The following AVL9 variants were observed in gnomAD, a reference collection of about 807,000 sequenced individuals.
The protein encoded by AVL9 is AVL9 cell migration associated, also known as late secretory pathway protein AVL9 homolog.
AVL9 carries 49 observed loss-of-function variants against 79.2 expected under a neutral mutation model. The observed-to-expected ratio is 0.62, with a 90% CI of 0.49 to 0.79. AVL9 has a LOEUF of 0.79. AVL9 is among the 30% of genes least tolerant of loss of function. The pLI is 0.00. For missense variants in AVL9, 682 were observed against 776.8 expected (o/e 0.88, Z 1.45); for synonymous variants, 299 against 280.6 (o/e 1.07, Z -0.65).
intron 1 of AVL9, among the ~76,000 whole-genome samples, chr7:32,511,116 G>C (rs1162074800): frequency 1.4e-5 from 2 of 145,218 alleles, no homozygotes; most frequent in Non-Finnish European, 1.5e-5. Flanking sequence ...CATCTCCCCA[G>C]GGTAAGATTT....
chr7:32,495,740 G>C lies in AVL9; in HGVS notation c.31G>C (p.Val11Leu). 1.6e-6 allele frequency: 2 copies of C among 1,260,444 alleles called. No individual in the cohort carries two copies. The highest frequency in any genetic ancestry group is 3.3e-5 in the South Asian group (1 of 29,866). The allele number at this position is 1,260,444 out of a possible 1,614,324, so 78.1% of individuals were successfully genotyped here. A position where few individuals can be genotyped will look rare whatever the true frequency, so the allele number is the denominator to read the frequency against. MEKARRGGDGVPRGPVLHIVV... is the reference protein window; with the variant it reads MEKARRGGDGLPRGPVLHIVV... Reference sequence around the variant, plus strand: ...GAAGGCCAGGAGAGGCGGGGATGGCGTCCCCCGGGGGCCCGTACTGCACAT... The same window carrying C: ...GAAGGCCAGGAGAGGCGGGGATGGCCTCCCCCGGGGGCCCGTACTGCACAT... Residue 11 changes from valine (V) to leucine (L), a missense_variant, in exon 1 of 16, where the codon GTC becomes CTC. By Grantham distance (32) the Val-to-Leu change is conservative. Coordinates refer to ENST00000318709, the MANE Select transcript of AVL9 (RefSeq NM_015060.3).
rs1327421254 is a variant in AVL9 at position 32,548,145 on chromosome 7, T to TCTC, written c.301-702_301-701insCTC. Among the ~76,000 whole-genome samples the TCTC allele has an allele frequency of 1.7e-4, 20 of 117,548 alleles. 1 individual carries two copies. The highest frequency in any genetic ancestry group is 6.0e-4 in the African/African-American group (19 of 31,418). The allele number at this position is 117,548 out of a possible 152,430, so 77.1% of individuals were successfully genotyped here. A position where few individuals can be genotyped will look rare whatever the true frequency, so the allele number is the denominator to read the frequency against. On this transcript the variant is annotated intron_variant, in intron 3 of 15. Transcript: ENST00000318709. ...ACAAGCTGTCTGTTTTTGTCATCTC[T>TCTC]TTTTTCTTTTTTTTTTTTTTGAGAC...
rs753035099 is a variant in AVL9 at position 32,552,296 on chromosome 7, G to A, written c.529+1G>A. The A allele has an allele frequency of 1.5e-5, 24 of 1,582,892 alleles. No individual in the cohort carries two copies. Among genetic ancestry groups the A allele is most frequent in the Non-Finnish European group, 2.1e-5 (24 of 1,153,508 alleles). On this transcript the variant is annotated splice_donor_variant, in intron 6 of 15. Coordinates refer to ENST00000318709, the MANE Select transcript of AVL9 (RefSeq NM_015060.3). LOFTEE classifies it high-confidence loss of function. ...TTAGAAGGATCCCAAGTATATCTTGGTAAGTAACTGACTTACAAGTTAAAA... is the reference window on the plus strand; with the variant it reads ...TTAGAAGGATCCCAAGTATATCTTGATAAGTAACTGACTTACAAGTTAAAA...
chr7:32,512,095 T>C (rs1048212801), intron 1 of AVL9, among the ~76,000 whole-genome samples: 22 of 152,178 alleles, frequency 1.4e-4, no homozygotes, highest in African/African-American at 5.3e-4. Context: ...GGAGGCCCCA[T>C]CAATCAGGGA....
intron 1 of AVL9, chr7:32,534,744 G>A (rs1788819619): frequency 6.6e-6 from 1 of 152,174 alleles, no homozygotes; most frequent in Non-Finnish European, 1.5e-5. Context: ...AGGAGTTCGA[G>A]ACCAGCCTGG....
intron 1 of AVL9, among the ~76,000 whole-genome samples, chr7:32,510,294 G>T (rs1378417940): frequency 6.6e-6 from 1 of 151,530 alleles, no homozygotes; most frequent in African/African-American, 2.4e-5. Context: ...TCCAAGGTGA[G>T]ATTTGTGAGC....
rs139289695 is a variant in AVL9 at position 32,524,345 on chromosome 7, G to A, written c.94-18796G>A. Among the ~76,000 whole-genome samples the A allele has an allele frequency of 8.5e-3, 1,293 of 152,020 alleles. 17 individuals are homozygous for A. Among genetic ancestry groups the A allele is most frequent in the African/African-American group, 0.029 (1,223 of 41,480 alleles). Reference sequence around the variant, plus strand: ...AGCCTGGCCAACATGGCAAAACCCCGTCTCTACTAAAATACAAAAATTAGC... The same window carrying A: ...AGCCTGGCCAACATGGCAAAACCCCATCTCTACTAAAATACAAAAATTAGC... On this transcript the variant is annotated intron_variant, in intron 1 of 15. Transcript: ENST00000318709.
In AVL9 at chr7:32,575,961, A is replaced by G; in HGVS notation, c.1577A>G (p.Glu526Gly). 1.9e-6 allele frequency: 3 copies of G among 1,605,688 alleles called. No individual in the cohort carries two copies. The highest frequency in any genetic ancestry group is 2.6e-6 in the Non-Finnish European group (3 of 1,172,358). ...LLAATLQLDNEKILSDYGTTF... is the reference protein window; with the variant it reads ...LLAATLQLDNGKILSDYGTTF... The stretch of plus-strand genomic sequence containing the variant: ...TCAAACATTTACTTGACAGACAATG[A>G]AAAGATATTATCGGACTATGGGACA... Residue 526 changes from glutamate to glycine, a missense_variant, in exon 13 of 16, where the codon GAA (glutamate) becomes GGA (glycine). Transcript: ENST00000318709.
At chr7:32,535,468 T>C (rs1256342078) in intron 1 of AVL9, 1 of 152,216 alleles carries the variant, frequency 6.6e-6, no homozygotes, top group Non-Finnish European at 1.5e-5. Context: ...GAAAGTAACT[T>C]TGAAACTACT....
rs555484897 is a variant in AVL9 at position 32,531,028 on chromosome 7, G to A, written c.94-12113G>A. The stretch of plus-strand genomic sequence containing the variant: ...CCAGGACACATTTCCAGTTTGCCTT[G>A]GGGAGTACTCCAGAGAACAAGAGAG... On this transcript the variant is annotated intron_variant, in intron 1 of 15. Transcript: ENST00000318709. Among the ~76,000 whole-genome samples, 9 of 152,210 alleles carry A rather than the reference G, an allele frequency of 5.9e-5. No homozygotes were observed. In the East Asian group the frequency reaches 1.5e-3, roughly 26 times the overall value.
At chr7:32,519,428 A>C (rs866186055) in intron 1 of AVL9, among the ~76,000 whole-genome samples, 109 of 75,428 alleles carry the variant, frequency 1.4e-3, no homozygotes, top group African/African-American at 4.0e-3. Context: ...ACTCTGTCCC[A>C]AAAAAAAAAA....
At position 32,573,371 on chromosome 7, in the gene AVL9, A is replaced by G. The variant is rs374734653; in HGVS notation, c.1523A>G (p.Gln508Arg). Residue 508 changes from glutamine to arginine, a missense_variant, in exon 12 of 16, where the codon CAG (glutamine) becomes CGG (arginine). By Grantham distance (43) the Gln-to-Arg change is conservative (BLOSUM62 1). Coordinates refer to ENST00000318709, the MANE Select transcript of AVL9 (RefSeq NM_015060.3). The part of the protein sequence containing the change: ...WEGGDEWIRA[Q>R]FAVYIHALLA... Reference sequence around the variant, plus strand: ...GGAGGTGACGAATGGATCCGGGCCCAGTTTGCGGTCTACATTCATGCCCTG... The same window carrying G: ...GGAGGTGACGAATGGATCCGGGCCCGGTTTGCGGTCTACATTCATGCCCTG... The G allele has an allele frequency of 1.2e-6, 2 of 1,613,504 alleles. No homozygotes were observed. The highest frequency in any genetic ancestry group is 2.7e-5 in the African/African-American group (2 of 74,762).
chr7:32,516,766 T>TAA (rs33970150), intron 1 of AVL9, among the ~76,000 whole-genome samples: 46,058 of 134,170 alleles, frequency 0.34, 8,430 homozygotes, highest in Admixed American at 0.49. Flanking sequence ...CCTAGGCCTT[T>TAA]AAAAAAAAAA....
intron 1 of AVL9, among the ~76,000 whole-genome samples, chr7:32,523,232 G>A (rs1003899479): frequency 6.7e-6 from 1 of 150,336 alleles, no homozygotes; most frequent in African/African-American, 2.4e-5. Flanking sequence ...TTTGGGGATG[G>A]TTATTCACCA....
At position 32,497,047 on chromosome 7, in the gene AVL9, C is replaced by T. The variant is rs192573150; in HGVS notation, c.93+1245C>T. ...CCCAGGAGGCTGAGGCTACAGTGAC[C>T]CTTGATCCCACCACTGCACTCCAGC... On this transcript the variant is annotated intron_variant, in intron 1 of 15. Transcript: ENST00000318709. 4.3e-4 allele frequency among the ~76,000 whole-genome samples: 65 copies of T among 152,334 alleles called. 1 individual carries two copies. The highest frequency in any genetic ancestry group is 1.5e-3 in the African/African-American group (62 of 41,574).
intron 1 of AVL9, among the ~76,000 whole-genome samples, chr7:32,516,983 C>A (rs1442914689): frequency 1.3e-5 from 2 of 152,192 alleles, no homozygotes; most frequent in African/African-American, 2.4e-5. Flanking sequence ...CTATCTCTTT[C>A]TTTTCTGCCT....
Position 32,580,292 on chromosome 7 carries a change from A to G in AVL9, c.1742+20A>G. ...CTCACAGTAAGTACTTAGAGAAAAT[A>G]CTGGGAAAATTCTTAAGTCTGAATT... On this transcript the variant is annotated intron_variant, in intron 14 of 15. Coordinates refer to ENST00000318709, the MANE Select transcript of AVL9 (RefSeq NM_015060.3). The G allele has an allele frequency of 6.3e-7, 1 of 1,589,206 alleles. No homozygotes were observed. Among genetic ancestry groups the G allele is most frequent in the Admixed American group, 1.7e-5 (1 of 57,932 alleles).
At chr7:32,578,699 C>T (rs1324336299) in intron 13 of AVL9, among the ~76,000 whole-genome samples, 1 of 152,064 alleles carries the variant, frequency 6.6e-6, no homozygotes, top group Non-Finnish European at 1.5e-5. Flanking sequence ...CTCCCAGCTA[C>T]TCAGGAGGCT....
At chr7:32,542,909 G>C (rs993972669) in intron 1 of AVL9, among the ~76,000 whole-genome samples, 6 of 152,168 alleles carry the variant, frequency 3.9e-5, no homozygotes, top group African/African-American at 1.4e-4. Flanking sequence ...GCACATTAAA[G>C]TTTAACCGAC....
Sources: allele counts gnomAD v4.1 joint callset (sites outside exome capture counted in the v4.1 genomes callset), GRCh38; gene constraint gnomAD v4.1.1; transcripts MANE v1.5; gene names NCBI Gene and HGNC (gene_info 2026-07-23, HGNC 2026-07-21).